The following PTPRD variants were observed in gnomAD, a reference collection of about 807,000 sequenced individuals.
PTPRD encodes the protein receptor-type tyrosine-protein phosphatase delta.
A neutral mutation model predicts 214.5 loss-of-function variants in PTPRD; 34 were observed. That is an observed-to-expected ratio of 0.16 (90% CI 0.12 to 0.21). The LOEUF (loss-of-function observed/expected upper bound fraction) is 0.21, where lower values mean the gene tolerates loss of function less well. Among genes scored for constraint, PTPRD ranks in the 10% least tolerant of loss-of-function variants. PTPRD has a pLI of 1.00. For synonymous variants in PTPRD, 1,128 were observed against 845.7 expected (o/e 1.33, Z -5.79); for missense variants, 2,545 against 2,398.7 (o/e 1.06, Z -1.27).
intron 9 of PTPRD, among the ~76,000 whole-genome samples, chr9:9,185,633 C>T (rs2099930895): frequency 1.3e-5 from 2 of 152,056 alleles, no homozygotes; most frequent in South Asian, 4.1e-4. Flanking sequence ...GCTAGACATG[C>T]AACTGCCTTT....
chr9:9,827,404 G>A (rs891504519), intron 5 of PTPRD, among the ~76,000 whole-genome samples: 1 of 152,096 alleles, frequency 6.6e-6, no homozygotes, highest in East Asian at 1.9e-4. Flanking sequence ...CAAGCAATGG[G>A]GAAAGGATTC....
chr9:10,309,340 GT>G (rs1320311328), intron 3 of PTPRD, among the ~76,000 whole-genome samples: 1 of 151,096 alleles, frequency 6.6e-6, no homozygotes, highest in African/African-American at 2.4e-5. Context: ...TCTTCCTTTT[GT>G]TTTTTTGTTT....
intron 2 of PTPRD, among the ~76,000 whole-genome samples, chr9:10,593,233 A>G (rs1353615589): frequency 6.6e-6 from 1 of 152,008 alleles, no homozygotes; most frequent in Non-Finnish European, 1.5e-5. Context: ...AATAATGGCG[A>G]TAATTCAAAC....
chr9:9,732,421 A>G (rs1403355100), intron 7 of PTPRD, among the ~76,000 whole-genome samples: 1 of 152,174 alleles, frequency 6.6e-6, no homozygotes, highest in African/African-American at 2.4e-5. Flanking sequence ...TGGATTTGAA[A>G]TAAGATATAT....
At chr9:10,272,258 C>T (rs1195920555) in intron 3 of PTPRD, among the ~76,000 whole-genome samples, 3 of 152,204 alleles carry the variant, frequency 2.0e-5, no homozygotes, top group Non-Finnish European at 2.9e-5. Context: ...TTTCAAGATA[C>T]ATTCATCTTG....
intron 3 of PTPRD, among the ~76,000 whole-genome samples, chr9:10,250,098 C>G (rs2092629688): frequency 6.6e-6 from 1 of 152,044 alleles, no homozygotes; most frequent in Non-Finnish European, 1.5e-5. Context: ...CTATTTAAAT[C>G]AAAGTACTTA....
Position 9,254,766 on chromosome 9 carries a change from T to G in PTPRD, c.-202-71403A>C, listed in dbSNP as rs567492157. Among the ~76,000 whole-genome samples, 4 of 152,168 alleles carry G rather than the reference T, an allele frequency of 2.6e-5. No homozygotes were observed. In the East Asian group the frequency reaches 7.8e-4, roughly 30 times the overall value. ...AATTCACTGTTTTTAAACGGTATTT[T>G]AAAACCCTGCGCCCTCATTCCTTTT... On this transcript the variant is annotated intron_variant, in intron 9 of 45. Coordinates refer to ENST00000381196, the MANE Select transcript of PTPRD (RefSeq NM_002839.4).
chr9:10,502,327 T>G (rs1480322353), intron 2 of PTPRD, among the ~76,000 whole-genome samples: 3 of 151,874 alleles, frequency 2.0e-5, no homozygotes, highest in African/African-American at 4.8e-5. Flanking sequence ...ATATAAAATT[T>G]TTGATAAATC....
intron 8 of PTPRD, chr9:9,442,294 G>A (rs1449878934): frequency 6.6e-6 from 1 of 152,286 alleles, no homozygotes; most frequent in Non-Finnish European, 1.5e-5. Flanking sequence ...CTGATCAGTA[G>A]AAGTCTGTAA....
intron 9 of PTPRD, among the ~76,000 whole-genome samples, chr9:9,257,878 G>A (rs964101889): frequency 4.6e-5 from 7 of 151,824 alleles, no homozygotes; most frequent in South Asian, 4.1e-4. Context: ...AAAATTTTCC[G>A]AACTAACCTT....
intron 2 of PTPRD, among the ~76,000 whole-genome samples, chr9:10,409,356 T>C (rs1339504820): frequency 6.6e-6 from 1 of 151,770 alleles, no homozygotes; most frequent in Non-Finnish European, 1.5e-5. Flanking sequence ...TGATATCCTT[T>C]CTTACAGTTC....
chr9:9,275,136 A>AAT (rs1432356074), intron 9 of PTPRD, among the ~76,000 whole-genome samples: 10 of 51,250 alleles, frequency 2.0e-4, no homozygotes, highest in Admixed American at 1.1e-3. Context: ...TATTATATAT[A>AAT]ATATATATAT....
At chr9:8,870,687 A>AAAACACAC (rs1555457933) in intron 11 of PTPRD, among the ~76,000 whole-genome samples, 1 of 131,372 alleles carries the variant, frequency 7.6e-6, no homozygotes, top group Non-Finnish European at 1.6e-5. Context: ...ACAGACATGA[A>AAAACACAC]ACACACACAC....
intron 37 of PTPRD, among the ~76,000 whole-genome samples, chr9:8,386,563 G>T (rs1406614363): frequency 1.3e-5 from 2 of 152,158 alleles, no homozygotes; most frequent in Non-Finnish European, 2.9e-5. Context: ...TTATGAGGAA[G>T]ACTGGTGCCA....
intron 5 of PTPRD, among the ~76,000 whole-genome samples, chr9:9,833,281 C>CG (rs2055557920): frequency 6.6e-6 from 1 of 151,812 alleles, no homozygotes; most frequent in Non-Finnish European, 1.5e-5. Context: ...GCTGGGCATC[C>CG]GGGGGAAACA....
At chr9:10,376,328 G>C (rs1481651216) in intron 2 of PTPRD, among the ~76,000 whole-genome samples, 1 of 151,486 alleles carries the variant, frequency 6.6e-6, no homozygotes, top group African/African-American at 2.4e-5. Flanking sequence ...GTTCAATAAA[G>C]AAACAGTTAT....
intron 11 of PTPRD, among the ~76,000 whole-genome samples, chr9:8,929,893 A>ATG (rs2098938562): frequency 1.7e-5 from 2 of 115,882 alleles, no homozygotes; most frequent in South Asian, 3.1e-4. Context: ...GTGTGTGTAT[A>ATG]TATATGTGTA....
intron 3 of PTPRD, among the ~76,000 whole-genome samples, chr9:10,217,542 G>A (rs139850006): frequency 1.0e-3 from 153 of 151,942 alleles, no homozygotes; most frequent in Non-Finnish European, 7.7e-4. Context: ...GCCATGAAAG[G>A]AGTATCAAAA....
chr9:10,359,522 A>G (rs1357837512), intron 2 of PTPRD, among the ~76,000 whole-genome samples: 1 of 152,108 alleles, frequency 6.6e-6, no homozygotes, highest in Non-Finnish European at 1.5e-5. Flanking sequence ...AAATGTACCT[A>G]AGCTTTTCAG....
Sources: allele counts gnomAD v4.1 joint callset (sites outside exome capture counted in the v4.1 genomes callset), GRCh38; gene constraint gnomAD v4.1.1; transcripts MANE v1.5; gene names NCBI Gene and HGNC (gene_info 2026-07-23, HGNC 2026-07-21).